The following RNF17 variants were observed in gnomAD, a reference collection of about 807,000 sequenced individuals.
The protein encoded by RNF17 is ring finger protein 17, also known as spermatogenesis associated 23.
In RNF17, 31 loss-of-function variants were observed where a neutral mutation model predicts 200.5. That is an observed-to-expected ratio of 0.15 (90% CI 0.12 to 0.21). The LOEUF (loss-of-function observed/expected upper bound fraction) is 0.21, where lower values mean the gene tolerates loss of function less well. Ranked by LOEUF, RNF17 falls within the 10% of genes least tolerant of loss-of-function variation. The pLI, the probability that RNF17 is intolerant of heterozygous loss-of-function variation, is 1.00. For synonymous variants in RNF17, 606 were observed against 637.8 expected, an observed-to-expected ratio of 0.95 and a Z score of 0.75; for missense variants, 1,628 against 1,905.1, an observed-to-expected ratio of 0.85 and a Z score of 2.71.
chr13:24,823,560 G>A (rs142458918), intron 15 of RNF17, among the ~76,000 whole-genome samples: 57 of 152,316 alleles, frequency 3.7e-4, no homozygotes, highest in African/African-American at 1.3e-3. Context: ...AAAGAGGAAG[G>A]CGCCATCTTT....
chr13:24,801,509 T>C (rs1385028796), intron 13 of RNF17, among the ~76,000 whole-genome samples: 4 of 152,030 alleles, frequency 2.6e-5, no homozygotes, highest in Non-Finnish European at 4.4e-5. Flanking sequence ...GGTGTGGTAG[T>C]GCACCATGAA....
chr13:24,788,759 T>C (rs2137618384), intron 7 of RNF17, among the ~76,000 whole-genome samples: 1 of 152,310 alleles, frequency 6.6e-6, no homozygotes, highest in South Asian at 2.1e-4. Flanking sequence ...AGATCTTTGC[T>C]GACTTCTGCC....
chr13:24,753,675 T>C, the RNF17 span, among the ~76,000 whole-genome samples: 1 of 152,210 alleles, frequency 6.6e-6, no homozygotes, highest in South Asian at 2.1e-4. Flanking sequence ...TGGATTGTGT[T>C]GTACATGGAA....
chr13:24,801,513 C>T (rs1399660302), intron 13 of RNF17, among the ~76,000 whole-genome samples: 1 of 151,960 alleles, frequency 6.6e-6, no homozygotes, highest in Non-Finnish European at 1.5e-5. Flanking sequence ...TGGTAGTGCA[C>T]CATGAAGGCT....
Position 24,861,816 on chromosome 13 carries a change from G to C in RNF17, c.3894+429G>C, listed in dbSNP as rs544383626. The stretch of plus-strand genomic sequence containing the variant: ...TTCAGGGATTAGGAGTGGCTTAGCT[G>C]GTTTGTTTTGACAAGGGGTCTGTAT... On this transcript the variant is annotated intron_variant, in intron 27 of 35. Transcript: ENST00000255324. Among the ~76,000 whole-genome samples, 4 of 152,218 alleles carry C rather than the reference G, an allele frequency of 2.6e-5. No individual in the cohort carries two copies. In the South Asian group the frequency reaches 8.3e-4, roughly 32 times the overall value.
intron 10 of RNF17, chr13:24,794,234 A>G: frequency 2.2e-6 from 1 of 456,640 alleles, no homozygotes; most frequent in South Asian, 1.5e-5. Flanking sequence ...TTCCTTTTGG[A>G]TCAAAAGCAG....
chr13:24,829,425 T>G (rs567003430), intron 16 of RNF17, among the ~76,000 whole-genome samples: 1 of 152,242 alleles, frequency 6.6e-6, no homozygotes, highest in Non-Finnish European at 1.5e-5. Context: ...TCAGAGACTT[T>G]AGGAAGAGTA....
At chr13:24,770,261 C>G (rs1441760056) in intron 2 of RNF17, among the ~76,000 whole-genome samples, 2 of 152,020 alleles carry the variant, frequency 1.3e-5, no homozygotes, top group Non-Finnish European at 2.9e-5. Context: ...TTAAATTTGA[C>G]CACAGTTTTT....
At chr13:24,786,693 T>G (rs1883151218) in intron 6 of RNF17, among the ~76,000 whole-genome samples, 1 of 152,204 alleles carries the variant, frequency 6.6e-6, no homozygotes, top group Admixed American at 6.5e-5. Flanking sequence ...GCTGTAAATA[T>G]ACATTGTCTT....
intron 27 of RNF17, among the ~76,000 whole-genome samples, 158 bp from the exon 28 acceptor site, chr13:24,862,555 T>C (rs1374513236): frequency 6.6e-5 from 10 of 152,216 alleles, no homozygotes; most frequent in Admixed American, 6.5e-4. Context: ...TAAAGATTAT[T>C]TTTATCATGT....
At chr13:24,871,852 C>T (rs1167275392) in intron 32 of RNF17, among the ~76,000 whole-genome samples, 2 of 151,760 alleles carry the variant, frequency 1.3e-5, no homozygotes, top group African/African-American at 2.4e-5. Context: ...GGTCTGGTCT[C>T]GAATTCCTGA....
At chr13:24,833,567 A>G (rs1257745645) in intron 18 of RNF17, among the ~76,000 whole-genome samples, 1 of 151,786 alleles carries the variant, frequency 6.6e-6, no homozygotes, top group Non-Finnish European at 1.5e-5. Flanking sequence ...ATAATTTCCC[A>G]TGGACAGTCA....
the RNF17 span, chr13:24,886,237 G>T: frequency 9.3e-7 from 1 of 1,072,302 alleles, no homozygotes; most frequent in Non-Finnish European, 1.3e-6. Flanking sequence ...CACTCAACTT[G>T]GAAGGGTCTC....
At chr13:24,749,209 T>A in the RNF17 span, among the ~76,000 whole-genome samples, 29 of 152,192 alleles carry the variant, frequency 1.9e-4, no homozygotes, top group African/African-American at 7.0e-4. Context: ...TGATTTGATA[T>A]TCTCAGCAAT....
At chr13:24,839,890 A>G (rs1890423986) in intron 18 of RNF17, among the ~76,000 whole-genome samples, 2 of 152,224 alleles carry the variant, frequency 1.3e-5, no homozygotes, top group Non-Finnish European at 2.9e-5. Flanking sequence ...CTGGGACCTA[A>G]TTGAACTAAA....
chr13:24,749,307 C>CTTTCTTTCTTTCTTTTTTTTT, the RNF17 span, among the ~76,000 whole-genome samples: 1 of 108,032 alleles, frequency 9.3e-6, no homozygotes, highest in African/African-American at 3.5e-5. Flanking sequence ...TTCTTTCTTT[C>CTTTCTTTCTTTCTTTTTTTTT]TTTTTTTTTT....
chr13:24,873,163 G>A (rs1894476589), intron 32 of RNF17, among the ~76,000 whole-genome samples: 1 of 150,062 alleles, frequency 6.7e-6, no homozygotes, highest in Admixed American at 6.6e-5. Context: ...TGCCAAAGAT[G>A]ATGGCCCACG....
At chr13:24,748,384 T>C in the RNF17 span, among the ~76,000 whole-genome samples, 2 of 152,222 alleles carry the variant, frequency 1.3e-5, no homozygotes, top group Non-Finnish European at 2.9e-5. Context: ...TGGGTTTGAA[T>C]AGAAAATCTA....
downstream of RNF17, chr13:24,883,963 C>T (rs373851349): frequency 6.2e-6 from 10 of 1,614,054 alleles, no homozygotes; most frequent in South Asian, 4.4e-5. Context: ...GTTGCCATAC[C>T]GTTGTACTCT....
Sources: allele counts gnomAD v4.1 joint callset (sites outside exome capture counted in the v4.1 genomes callset), GRCh38; gene constraint gnomAD v4.1.1; transcripts MANE v1.5; gene names NCBI Gene and HGNC (gene_info 2026-07-23, HGNC 2026-07-21).